The following SLC35F2 variants were observed in gnomAD, a reference collection of about 807,000 sequenced individuals.
SLC35F2 encodes solute carrier family 35 member F2, also known as queuine/queuosine transporter SLC35F2.
In SLC35F2, 25 loss-of-function variants were observed where a neutral mutation model predicts 38.1. The observed-to-expected ratio is 0.66, with a 90% CI of 0.48 to 0.92. SLC35F2 has a LOEUF of 0.92. Among genes scored for constraint, SLC35F2 ranks in the 40% least tolerant of loss-of-function variants. The pLI is 0.00. For missense variants in SLC35F2, 409 were observed against 452.9 expected (o/e 0.90, Z 0.88); for synonymous variants, 173 against 181.7 (o/e 0.95, Z 0.38).
intron 1 of SLC35F2, among the ~76,000 whole-genome samples, chr11:107,842,932 G>A (rs1414037549): frequency 2.0e-5 from 3 of 152,174 alleles, no homozygotes. Context: ...CAGCATGAAT[G>A]AATAAAGTGT....
At chr11:107,851,964 G>A (rs997157800) in intron 1 of SLC35F2, among the ~76,000 whole-genome samples, 1 of 152,226 alleles carries the variant, frequency 6.6e-6, no homozygotes, top group Non-Finnish European at 1.5e-5. Flanking sequence ...CACAGTGAGA[G>A]CTCAATAGAT....
intron 1 of SLC35F2, 89 bp from the exon 2 acceptor site, chr11:107,816,054 T>A (rs900450214): frequency 1.6e-4 from 180 of 1,095,694 alleles, no homozygotes; most frequent in Non-Finnish European, 1.9e-4. Context: ...ACACACACAC[T>A]GCTAAACACA....
intron 2 of SLC35F2, among the ~76,000 whole-genome samples, chr11:107,815,450 A>C (rs1266563184): frequency 6.6e-6 from 1 of 151,002 alleles, no homozygotes; most frequent in Non-Finnish European, 1.5e-5. Context: ...ACAGCTTACT[A>C]GGGAGGCTGA....
At chr11:107,848,724 A>G (rs1042421144) in intron 1 of SLC35F2, among the ~76,000 whole-genome samples, 2 of 152,162 alleles carry the variant, frequency 1.3e-5, no homozygotes, top group African/African-American at 4.8e-5. Context: ...TCTGGCATAA[A>G]AGCCCAACTA....
intron 1 of SLC35F2, among the ~76,000 whole-genome samples, chr11:107,857,759 T>TGG (rs1860316488): frequency 6.6e-6 from 1 of 152,208 alleles, no homozygotes; most frequent in Admixed American, 6.5e-5. Flanking sequence ...GACTACGGCT[T>TGG]GAACGCATCA....
chr11:107,837,216 C>G (rs569922336), intron 1 of SLC35F2, among the ~76,000 whole-genome samples: 1 of 152,278 alleles, frequency 6.6e-6, no homozygotes, highest in Admixed American at 6.5e-5. Context: ...GAAGTGCTAG[C>G]CACTGATGAG....
At position 107,792,405 on chromosome 11, in the gene SLC35F2, A is replaced by G; in HGVS notation, c.*210T>C. On this transcript the variant is annotated 3_prime_UTR_variant, in exon 8 of 8. Coordinates refer to ENST00000525815, the MANE Select transcript of SLC35F2 (RefSeq NM_017515.5). ...CACGAACAGATATTGGTCCTCAAAC[A>G]CAGAAACACACTCTTAGCTTGGTTT... is the stretch of plus-strand genomic sequence containing the variant. The G allele has an allele frequency of 3.7e-6, 2 of 538,682 alleles. No individual in the cohort carries two copies. The highest frequency in any genetic ancestry group is 6.3e-6 in the Non-Finnish European group (2 of 316,706). The allele number at this position is 538,682 out of a possible 1,614,324, so 33.4% of individuals were successfully genotyped here. A position where few individuals can be genotyped will look rare whatever the true frequency, so the allele number is the denominator to read the frequency against.
chr11:107,829,989 G>A (rs1461855455), intron 1 of SLC35F2, among the ~76,000 whole-genome samples: 1 of 152,006 alleles, frequency 6.6e-6, no homozygotes, highest in Non-Finnish European at 1.5e-5. Flanking sequence ...AACCAGGCAT[G>A]CTGGCTCACA....
At position 107,792,528 on chromosome 11, in the gene SLC35F2, T is replaced by C; in HGVS notation, c.*87A>G. On this transcript the variant is annotated 3_prime_UTR_variant, in exon 8 of 8. Transcript: ENST00000525815. ...ACCCAGGGTTGTAGAGTGTCCATTC[T>C]GAGTCTGCTATTTCCCCAAGTGTCC... 1 of 1,449,698 alleles carries C rather than the reference T, an allele frequency of 6.9e-7. No individual in the cohort carries two copies. The highest frequency in any genetic ancestry group is 9.2e-7 in the Non-Finnish European group (1 of 1,082,550). The allele number at this position is 1,449,698 out of a possible 1,614,324, so 89.8% of individuals were successfully genotyped here.
Position 107,800,903 on chromosome 11 carries a change from C to CTT in SLC35F2, c.939+2096_939+2097dup, listed in dbSNP as rs71303238. ...ATCTATACAGTGAAAGCTATTACTA[C>CTT]TTTTTTTTTTTTTTTTTTTTTTGAG... On this transcript the variant is annotated intron_variant, in intron 7 of 7. Coordinates refer to ENST00000525815, the MANE Select transcript of SLC35F2 (RefSeq NM_017515.5). Among the ~76,000 whole-genome samples the CTT allele has an allele frequency of 1.1e-3, 138 of 126,160 alleles. 5 individuals carry two copies. The highest frequency in any genetic ancestry group is 3.3e-3 in the African/African-American group (101 of 30,938). 82.8% of individuals were successfully genotyped at this position (126,160 alleles called of 152,430 possible). A position where few individuals can be genotyped will look rare whatever the true frequency, so the allele number is the denominator to read the frequency against.
At chr11:107,810,762 G>C (rs1017190565) in intron 3 of SLC35F2, 3 of 978,028 alleles carry the variant, frequency 3.1e-6, no homozygotes, top group Non-Finnish European at 3.6e-6. Context: ...ATTTAATGTA[G>C]GTTCACACTG....
At chr11:107,834,029 T>A (rs892077419) in intron 1 of SLC35F2, among the ~76,000 whole-genome samples, 1 of 152,228 alleles carries the variant, frequency 6.6e-6, no homozygotes, top group East Asian at 1.9e-4. Flanking sequence ...TGTTGTTATC[T>A]CTGTGTAAAA....
intron 1 of SLC35F2, among the ~76,000 whole-genome samples, chr11:107,854,888 T>C (rs1033113949): frequency 2.6e-5 from 4 of 152,206 alleles, no homozygotes; most frequent in Admixed American, 1.3e-4. Flanking sequence ...CTTGCCCATA[T>C]GGTGATAACA....
chr11:107,802,241 A>AT (rs1254316552), intron 7 of SLC35F2, among the ~76,000 whole-genome samples: 10 of 151,908 alleles, frequency 6.6e-5, no homozygotes, highest in East Asian at 1.9e-4. Flanking sequence ...CCATCTCAAA[A>AT]AAAATAAATA....
chr11:107,833,708 C>G (rs776350084), intron 1 of SLC35F2, among the ~76,000 whole-genome samples: 1 of 152,100 alleles, frequency 6.6e-6, no homozygotes, highest in Non-Finnish European at 1.5e-5. Context: ...ACGCCACACT[C>G]TGAGACGAAT....
Position 107,806,587 on chromosome 11 carries a change from G to A in SLC35F2, c.574+130C>T, listed in dbSNP as rs547097991. The stretch of plus-strand genomic sequence containing the variant: ...TCAACTGAATTCAACACAAAGTGTG[G>A]CAAAGTGTTCTCACCTACACAGTGA... On this transcript the variant is annotated intron_variant, in intron 4 of 7. Coordinates refer to ENST00000525815, the MANE Select transcript of SLC35F2 (RefSeq NM_017515.5). 2.9e-5 allele frequency: 23 copies of A among 800,214 alleles called. 1 individual carries two copies. Among genetic ancestry groups the A allele is most frequent in the African/African-American group, 2.4e-4 (14 of 58,836 alleles). The allele number at this position is 800,214 out of a possible 1,614,324, so 49.6% of individuals were successfully genotyped here.
Position 107,835,451 on chromosome 11 carries a change from T to C in SLC35F2, c.111-19486A>G, listed in dbSNP as rs537375421. ...ACAGTGACTTTTTTTTTTTCCTTTT[T>C]TTGAGACAGGGTCAGGTTTCTGTCG... On this transcript the variant is annotated intron_variant, in intron 1 of 7. Coordinates refer to ENST00000525815, the MANE Select transcript of SLC35F2 (RefSeq NM_017515.5). Among the ~76,000 whole-genome samples the C allele has an allele frequency of 2.0e-5, 3 of 152,152 alleles. No homozygotes were observed. In the South Asian group the frequency reaches 6.3e-4, roughly 32 times the overall value.
intron 1 of SLC35F2, among the ~76,000 whole-genome samples, chr11:107,851,720 G>C (rs1008518399): frequency 6.6e-6 from 1 of 151,998 alleles, no homozygotes; most frequent in East Asian, 1.9e-4. Flanking sequence ...GCCATAACTA[G>C]ATATGATTCC....
chr11:107,857,196 C>G (rs921654024), intron 1 of SLC35F2, among the ~76,000 whole-genome samples: 1 of 111,740 alleles, frequency 8.9e-6, no homozygotes, highest in East Asian at 2.9e-4. Flanking sequence ...GACGGACGGA[C>G]ACGGACGGAA....
Sources: gnomAD v4.1 joint callset for allele counts (sites outside exome capture counted in the v4.1 genomes callset) on GRCh38, gnomAD v4.1.1 for gene constraint, MANE v1.5 for transcripts, NCBI Gene and HGNC (gene_info 2026-07-23, HGNC 2026-07-21) for gene names.